XRRA1: variants seen among roughly 807,000 people sequenced by gnomAD.
XRRA1 encodes X-ray radiation resistance associated 1.
XRRA1 carries 69 observed loss-of-function variants against 80.2 expected under a neutral mutation model. The ratio of observed to expected loss-of-function variants is 0.86; its 90% confidence interval spans 0.71 to 1.05. The LOEUF is 1.05. XRRA1 is among the 50% of genes least tolerant of loss of function. The pLI, the probability that XRRA1 is intolerant of heterozygous loss-of-function variation, is 0.00. For synonymous variants in XRRA1, 348 were observed against 389.9 expected (o/e 0.89, Z 1.27); for missense variants, 967 against 976.4 (o/e 0.99, Z 0.13).
chr11:74,898,251 C>CA (rs2052829453), intron 10 of XRRA1, among the ~76,000 whole-genome samples: 1 of 150,186 alleles, frequency 6.7e-6, no homozygotes, highest in Non-Finnish European at 1.5e-5. Context: ...AACCTCAAAT[C>CA]AAAAAATATA....
chr11:74,880,220 C>A (rs894708039), intron 10 of XRRA1, among the ~76,000 whole-genome samples: 1 of 152,180 alleles, frequency 6.6e-6, no homozygotes, highest in Non-Finnish European at 1.5e-5. Context: ...AGGAATTTAT[C>A]CATTTCTTCT....
intron 10 of XRRA1, among the ~76,000 whole-genome samples, chr11:74,867,011 A>T (rs2043602237): frequency 6.6e-6 from 1 of 152,158 alleles, no homozygotes; most frequent in East Asian, 1.9e-4. Context: ...TGCCAGCATA[A>T]GCACACCCAC....
chr11:74,902,503 T>C (rs550879536), intron 10 of XRRA1, among the ~76,000 whole-genome samples: 3 of 152,310 alleles, frequency 2.0e-5, no homozygotes, highest in South Asian at 4.1e-4. Flanking sequence ...TAGCCAAGAT[T>C]TGGAAGCAAC....
At chr11:74,882,473 G>C (rs944139284) in intron 10 of XRRA1, among the ~76,000 whole-genome samples, 12 of 152,168 alleles carry the variant, frequency 7.9e-5, no homozygotes, top group Admixed American at 5.9e-4. Context: ...CCGTAGCTCA[G>C]AGTAATTTGA....
At chr11:74,891,086 C>A (rs2050560064) in intron 10 of XRRA1, among the ~76,000 whole-genome samples, 1 of 152,134 alleles carries the variant, frequency 6.6e-6, no homozygotes, top group Non-Finnish European at 1.5e-5. Context: ...CAAAGCCTGG[C>A]AGAGACACAA....
intron 12 of XRRA1, 67 bp from the exon 13 acceptor site, chr11:74,852,149 G>A (rs573604066): frequency 6.9e-6 from 9 of 1,310,402 alleles, no homozygotes; most frequent in Middle Eastern, 1.8e-4. Flanking sequence ...GTATGTCTAG[G>A]CCCCTCACTG....
chr11:74,870,065 T>C (rs2044414920), intron 10 of XRRA1, among the ~76,000 whole-genome samples: 1 of 152,244 alleles, frequency 6.6e-6, no homozygotes, highest in Non-Finnish European at 1.5e-5. Context: ...TACTTTCATT[T>C]TGGGGCCTTC....
rs11236266 is a variant in XRRA1, at chr11:74,906,150, C to T, written c.1003+89G>A. ...CAGCAAATTCAATTCGTGATATTCACCATGACCAAGTGAGACTTTCAGAAT... is the reference window on the plus strand; with the variant it reads ...CAGCAAATTCAATTCGTGATATTCATCATGACCAAGTGAGACTTTCAGAAT... On this transcript the variant is annotated intron_variant, in intron 10 of 18. Transcript: ENST00000684022. 10,131 of 1,273,754 alleles carry T rather than the reference C, an allele frequency of 8.0e-3. 50 individuals carry two copies. The highest frequency in any genetic ancestry group is 0.011 in the Middle Eastern group (41 of 3,776). 78.9% of individuals were successfully genotyped at this position (1,273,754 alleles called of 1,614,324 possible).
intron 7 of XRRA1, among the ~76,000 whole-genome samples, chr11:74,926,081 C>G (rs1942157875): frequency 6.6e-6 from 1 of 152,206 alleles, no homozygotes; most frequent in Non-Finnish European, 1.5e-5. Context: ...ATTCAACTTT[C>G]AAGAGCTTTG....
intron 10 of XRRA1, among the ~76,000 whole-genome samples, chr11:74,893,232 A>T (rs1779277915): frequency 6.6e-6 from 1 of 152,240 alleles, no homozygotes; most frequent in South Asian, 2.1e-4. Context: ...AGCCATAAAA[A>T]ATGATGAGTT....
chr11:74,901,240 A>G (rs907990097), intron 10 of XRRA1, among the ~76,000 whole-genome samples: 1 of 152,170 alleles, frequency 6.6e-6, no homozygotes, highest in Non-Finnish European at 1.5e-5. Context: ...CCAAAGAAGT[A>G]AAAGATCTCT....
chr11:74,932,235 T>C (rs886957880), intron 5 of XRRA1, among the ~76,000 whole-genome samples: 1 of 152,218 alleles, frequency 6.6e-6, no homozygotes, highest in Admixed American at 6.5e-5. Flanking sequence ...TTAAATTTCA[T>C]AGATATTTTC....
intron 1 of XRRA1, among the ~76,000 whole-genome samples, chr11:74,947,673 G>A (rs968153008): frequency 6.6e-6 from 1 of 152,168 alleles, no homozygotes; most frequent in Admixed American, 6.5e-5. Flanking sequence ...TAGTGTCCAC[G>A]GATTGCTTCA....
chr11:74,873,654 C>A (rs1013073521), intron 10 of XRRA1, among the ~76,000 whole-genome samples: 1 of 152,114 alleles, frequency 6.6e-6, no homozygotes, highest in African/African-American at 2.4e-5. Flanking sequence ...TGTTTTGTGC[C>A]CCAACTGAGG....
intron 10 of XRRA1, among the ~76,000 whole-genome samples, chr11:74,896,860 G>GC (rs2052443885): frequency 6.6e-6 from 1 of 152,178 alleles, no homozygotes; most frequent in South Asian, 2.1e-4. Context: ...AAAAATCACA[G>GC]CATTATTGGG....
At position 74,936,871 on chromosome 11, in the gene XRRA1, C is replaced by T. The variant is rs374101478; in HGVS notation, c.279+13G>A. On this transcript the variant is annotated intron_variant, in intron 4 of 18. Coordinates refer to ENST00000684022, the MANE Select transcript of XRRA1 (RefSeq NM_001378157.1). ...CTGATGTGCTGGCCACTCCAGGATG[C>T]ATTTACTCTCACCAGAAAAGCCTGG... is the stretch of plus-strand genomic sequence containing the variant. The T allele has an allele frequency of 6.2e-7, 1 of 1,611,512 alleles. No individual in the cohort carries two copies. Among genetic ancestry groups the T allele is most frequent in the Non-Finnish European group, 8.5e-7 (1 of 1,178,888 alleles).
At chr11:74,864,976 A>G (rs927192626) in intron 10 of XRRA1, among the ~76,000 whole-genome samples, 3 of 152,112 alleles carry the variant, frequency 2.0e-5, no homozygotes, top group East Asian at 1.9e-4. Context: ...CTCTGAGCCA[A>G]TGAGGCTGGG....
chr11:74,939,441 G>T (rs1010972688), intron 3 of XRRA1, among the ~76,000 whole-genome samples: 4 of 152,118 alleles, frequency 2.6e-5, no homozygotes, highest in Non-Finnish European at 5.9e-5. Flanking sequence ...TTATTCCATG[G>T]TTTACAACCC....
rs189073483 is a variant in XRRA1 at position 74,906,604 on chromosome 11, G to A, written c.786-148C>T. On this transcript the variant is annotated intron_variant, in intron 9 of 18. Coordinates refer to ENST00000684022, the MANE Select transcript of XRRA1 (RefSeq NM_001378157.1). ...TGAGCCGGTGACTTACTCTCTCTGGGATTCAATATCCCTGTCTCTAAAATG... is the reference window on the plus strand; with the variant it reads ...TGAGCCGGTGACTTACTCTCTCTGGAATTCAATATCCCTGTCTCTAAAATG... The A allele has an allele frequency of 1.6e-5, 14 of 860,418 alleles. No homozygotes were observed. In the East Asian group the frequency reaches 3.2e-4, roughly 20 times the overall value. 53.3% of individuals were successfully genotyped at this position (860,418 alleles called of 1,614,324 possible). A position where few individuals can be genotyped will look rare whatever the true frequency, so the allele number is the denominator to read the frequency against.
Sources: allele counts gnomAD v4.1 joint callset (sites outside exome capture counted in the v4.1 genomes callset), GRCh38; gene constraint gnomAD v4.1.1; transcripts MANE v1.5; gene names NCBI Gene and HGNC (gene_info 2026-07-23, HGNC 2026-07-21).